The following ATAD5 variants were observed in gnomAD, a reference collection of about 807,000 sequenced individuals.
The protein encoded by ATAD5 is ATPase family AAA domain-containing protein 5.
A neutral mutation model predicts 176.9 loss-of-function variants in ATAD5; 58 were observed. The ratio of observed to expected loss-of-function variants is 0.33; its 90% confidence interval spans 0.27 to 0.41. ATAD5 has a LOEUF of 0.41. ATAD5 is among the 10% of genes least tolerant of loss of function. The probability of loss-of-function intolerance (pLI) is 1.00; values close to 1 mark genes in which losing one functional copy is unlikely to be tolerated. For synonymous variants in ATAD5, 640 were observed against 712.6 expected, an observed-to-expected ratio of 0.90 and a Z score of 1.62; for missense variants, 1,789 against 2,094.1, an observed-to-expected ratio of 0.85 and a Z score of 2.84.
Position 30,834,940 on chromosome 17 carries a change from A to G in ATAD5, c.859A>G (p.Met287Val), listed in dbSNP as rs760289566. The part of the protein sequence containing the change: ...NKVEEIPDST[M>V]SICVPSETVD... The stretch of plus-strand genomic sequence containing the variant: ...AGTGGAAGAGATACCAGACTCTACA[A>G]TGTCAATTTGTGTTCCTTCTGAAAC... The change falls in exon 2 of 23, where the codon ATG becomes GTG. Residue 287 changes from methionine to valine, a missense_variant. Coordinates refer to ENST00000321990, the MANE Select transcript of ATAD5 (RefSeq NM_024857.5). 5.5e-6 allele frequency: 7 copies of G among 1,265,008 alleles called. No individual in the cohort carries two copies. In the East Asian group the frequency reaches 1.9e-4, roughly 34 times the overall value. 78.4% of individuals were successfully genotyped at this position (1,265,008 alleles called of 1,614,324 possible). A position where few individuals can be genotyped will look rare whatever the true frequency, so the allele number is the denominator to read the frequency against.
At chr17:30,867,494 C>G (rs1006526517) in intron 11 of ATAD5, among the ~76,000 whole-genome samples, 4 of 152,188 alleles carry the variant, frequency 2.6e-5, no homozygotes, top group African/African-American at 9.6e-5. Context: ...AGTCACACAG[C>G]TAGAAAGTGA....
chr17:30,857,174 A>G, intron 8 of ATAD5, 62 bp downstream of exon 8: 1 of 1,510,678 alleles, frequency 6.6e-7, no homozygotes, highest in Non-Finnish European at 8.9e-7. Context: ...GAGGAAAAAC[A>G]TTTTTGGATA....
Position 30,858,260 on chromosome 17 carries a change from C to T in ATAD5, c.2893C>T (p.Pro965Ser), listed in dbSNP as rs1156972635. The T allele has an allele frequency of 6.3e-7, 1 of 1,593,700 alleles. No individual in the cohort carries two copies. Among genetic ancestry groups the T allele is most frequent in the East Asian group, 2.3e-5 (1 of 43,840 alleles). The change falls in exon 9 of 23, where the codon CCC becomes TCC. Residue 965 changes from proline to serine, a missense_variant. By Grantham distance (74) the Pro-to-Ser change is moderately conservative (BLOSUM62 -1). This residue lies in a region of ATAD5 where 487 missense variants were observed against 573.6 expected (regional missense o/e 0.85). Transcript: ENST00000321990. ...TGAATTTTCATTGAAAAAATATTTT[C>T]CCTTACTCCTAAAAAAACAAATTGA... ...NPEFSLKKYF[P>S]LLLKKQIEHQ...
In ATAD5 at chr17:30,867,611, A is replaced by G. The variant is rs184880921; in HGVS notation, c.3234-722A>G. On this transcript the variant is annotated intron_variant, in intron 11 of 22. Coordinates refer to ENST00000321990, the MANE Select transcript of ATAD5 (RefSeq NM_024857.5). ...TTCATGGAATTACACAACATACCGCAGTTCTTTTTTTTTATTTTGAAACAG... is the reference window on the plus strand; with the variant it reads ...TTCATGGAATTACACAACATACCGCGGTTCTTTTTTTTTATTTTGAAACAG... 7.9e-5 allele frequency among the ~76,000 whole-genome samples: 12 copies of G among 152,126 alleles called. No individual in the cohort carries two copies. The East Asian group carries it at 2.1e-3, about 27-fold the overall frequency.
At chr17:30,852,648 G>C (rs1231249824) in intron 6 of ATAD5, among the ~76,000 whole-genome samples, 1 of 152,068 alleles carries the variant, frequency 6.6e-6, no homozygotes, top group African/African-American at 2.4e-5. Flanking sequence ...CTGTTAGTGA[G>C]GCCTCAGTAA....
chr17:30,869,454 TA>T (rs1217021969), intron 13 of ATAD5, 41 bp from the exon 14 acceptor site: 1 of 1,607,930 alleles, frequency 6.2e-7, no homozygotes, highest in South Asian at 1.1e-5. Context: ...AAAGGAAACA[TA>T]AACCATTCTC....
chr17:30,861,078 C>T (rs1178496377), intron 10 of ATAD5, among the ~76,000 whole-genome samples: 7 of 152,078 alleles, frequency 4.6e-5, no homozygotes, highest in East Asian at 1.9e-4. Flanking sequence ...GCTGGGATTA[C>T]AGGTGTGAGC....
At position 30,834,747 on chromosome 17, in the gene ATAD5, G is replaced by A. The variant is rs779548775; in HGVS notation, c.666G>A (p.Leu222=). The A allele has an allele frequency of 1.1e-4, 176 of 1,613,836 alleles. No individual in the cohort carries two copies. In the Admixed American group the frequency reaches 2.9e-3, roughly 26 times the overall value. Residue 222 remains leucine, a synonymous_variant, in exon 2 of 23, where the codon TTG becomes TTA. Transcript: ENST00000321990. ...TAGATCTATCTGAAAGCTTACCCTT[G>A]GCAGAGGAACTAAATTTGCTTAAAA... is the stretch of plus-strand genomic sequence containing the variant. The part of the protein sequence containing the change: ...DVVDLSESLP[L]AEELNLLKKD...
At position 30,879,403 on chromosome 17, in the gene ATAD5, G is replaced by T. The variant is rs6505216; in HGVS notation, c.4013-20G>T. The T allele has an allele frequency of 0.26, 296,089 of 1,140,578 alleles. 19,353 individuals are homozygous for T. The highest frequency in any genetic ancestry group is 0.56 in the African/African-American group (35,085 of 62,926). 70.7% of individuals were successfully genotyped at this position (1,140,578 alleles called of 1,614,324 possible). ...TAGTGTTTAAGAATTTTTTTTTTTT[G>T]TGTGTGTGTGTGTGTGTAGACCCAA... On this transcript the variant is annotated intron_variant, in intron 17 of 22. Coordinates refer to ENST00000321990, the MANE Select transcript of ATAD5 (RefSeq NM_024857.5).
intron 14 of ATAD5, among the ~76,000 whole-genome samples, chr17:30,873,058 T>C (rs550954857): frequency 6.6e-6 from 1 of 152,306 alleles, no homozygotes; most frequent in East Asian, 1.9e-4. Context: ...TCCAGTTTTC[T>C]TGTTCTTATT....
Position 30,859,817 on chromosome 17 carries a change from A to G in ATAD5, c.2957-616A>G, listed in dbSNP as rs559962532. Among the ~76,000 whole-genome samples, 189 of 146,864 alleles carry G rather than the reference A, an allele frequency of 1.3e-3. 11 individuals carry two copies. The highest frequency in any genetic ancestry group is 1.2e-3 in the Non-Finnish European group (82 of 66,444). ...CGGCTCACTGCAGCCTCAGCCTTCT[A>G]GGTTCCACCGATTCTCCTGCTTCTG... On this transcript the variant is annotated intron_variant, in intron 9 of 22. Transcript: ENST00000321990.
intron 6 of ATAD5, among the ~76,000 whole-genome samples, chr17:30,847,029 G>C (rs925783181): frequency 1.3e-5 from 2 of 151,674 alleles, no homozygotes; most frequent in Non-Finnish European, 2.9e-5. Context: ...CACAGTTTGA[G>C]TTTTGACAAA....
intron 17 of ATAD5, among the ~76,000 whole-genome samples, chr17:30,878,609 A>G (rs563810745): frequency 1.3e-5 from 2 of 151,886 alleles, no homozygotes; most frequent in South Asian, 2.1e-4. Flanking sequence ...TATTTTTCCA[A>G]TTATAAATAT....
In ATAD5 at chr17:30,832,324, A is replaced by G; in HGVS notation, c.-24A>G. On this transcript the variant is annotated 5_prime_UTR_variant, in exon 1 of 23. Transcript: ENST00000321990. ...GCTGGACCGCGTGAGGTCCTAGGAG[A>G]CGGGATTCCGGGAAGCGGGGAGTAT... is the stretch of plus-strand genomic sequence containing the variant. The G allele has an allele frequency of 6.5e-7, 1 of 1,534,742 alleles. No homozygotes were observed. Among genetic ancestry groups the G allele is most frequent in the Non-Finnish European group, 8.8e-7 (1 of 1,138,452 alleles).
intron 6 of ATAD5, among the ~76,000 whole-genome samples, chr17:30,852,706 G>GC (rs1344727790): frequency 6.6e-6 from 1 of 152,012 alleles, no homozygotes; most frequent in Non-Finnish European, 1.5e-5. Flanking sequence ...CTGTCACATG[G>GC]CGAGAGAAGT....
In ATAD5 at chr17:30,857,034, T is replaced by A; in HGVS notation, c.2715T>A (p.Asp905Glu). The change falls in exon 8 of 23, where the codon GAT becomes GAA. Residue 905 changes from aspartate to glutamate, a missense_variant. Physicochemically the swap from Asp to Glu is conservative, Grantham distance 45. Coordinates refer to ENST00000321990, the MANE Select transcript of ATAD5 (RefSeq NM_024857.5). ...KFKELNTKVI[D>E]LSKCGIALGE... ...AAGAACTGAACACTAAAGTAATAGATCTCTCAAAATGTGGTATTGCTCTTG... is the reference window on the plus strand; with the variant it reads ...AAGAACTGAACACTAAAGTAATAGAACTCTCAAAATGTGGTATTGCTCTTG... The A allele has an allele frequency of 6.2e-7, 1 of 1,610,148 alleles. No individual in the cohort carries two copies. The highest frequency in any genetic ancestry group is 1.3e-5 in the African/African-American group (1 of 74,852).
At chr17:30,843,732 G>T (rs1906285977) in intron 4 of ATAD5, among the ~76,000 whole-genome samples, 181 bp from the exon 5 acceptor site, 1 of 152,000 alleles carries the variant, frequency 6.6e-6, no homozygotes, top group African/African-American at 2.4e-5. Flanking sequence ...CTTGTTTGAT[G>T]TAAGCATGGA....
rs533610221 is a variant in ATAD5, at chr17:30,876,455, G to A, written c.3689G>A (p.Arg1230Gln). The A allele has an allele frequency of 5.0e-5, 81 of 1,610,302 alleles. No homozygotes were observed. Among genetic ancestry groups the A allele is most frequent in the Non-Finnish European group, 6.3e-5 (74 of 1,177,876 alleles). ...TCACCAAAAAGTAGTGGACCAAAGC[G>A]AGCACTTCCTCCCAAAACCTTGGCA... ...PPSPKSSGPK[R>Q]ALPPKTLANY... Residue 1230 changes from arginine to glutamine, a missense_variant, in exon 15 of 23, where the codon CGA becomes CAA. By Grantham distance (43) the Arg-to-Gln change is conservative. Coordinates refer to ENST00000321990, the MANE Select transcript of ATAD5 (RefSeq NM_024857.5).
chr17:30,838,818 C>A (rs1362060891), intron 3 of ATAD5, among the ~76,000 whole-genome samples: 5 of 152,078 alleles, frequency 3.3e-5, no homozygotes, highest in African/African-American at 1.2e-4. Context: ...CAAATTGGGA[C>A]CTTTATCCAA....
Sources: allele counts gnomAD v4.1 joint callset (sites outside exome capture counted in the v4.1 genomes callset), GRCh38; gene constraint gnomAD v4.1.1; regional missense constraint gnomAD v4.1.1; transcripts MANE v1.5; gene names NCBI Gene and HGNC (gene_info 2026-07-23, HGNC 2026-07-21).